The following PGR variants were observed in gnomAD, a reference collection of about 807,000 sequenced individuals.
PGR encodes nuclear receptor subfamily 3 group C member 3.
A neutral mutation model predicts 76.1 loss-of-function variants in PGR; 25 were observed. The observed-to-expected ratio is 0.33, with a 90% CI of 0.24 to 0.46. The LOEUF (loss-of-function observed/expected upper bound fraction) is 0.46. PGR is among the 20% of genes least tolerant of loss of function. The probability of loss-of-function intolerance (pLI) is 1.00; values close to 1 mark genes in which losing one functional copy is unlikely to be tolerated. For missense variants in PGR, 1,172 were observed against 1,225.3 expected (o/e 0.96, Z 0.65); for synonymous variants, 579 against 535.0 (o/e 1.08, Z -1.14).
At position 101,070,204 on chromosome 11, in the gene PGR, C is replaced by T. The variant is rs1860879186; in HGVS notation, c.1907-7452G>A. Among the ~76,000 whole-genome samples the T allele has an allele frequency of 3.9e-5, 6 of 152,074 alleles. No homozygotes were observed. In the South Asian group the frequency reaches 1.2e-3, roughly 31 times the overall value. On this transcript the variant is annotated intron_variant, in intron 3 of 7. Coordinates refer to ENST00000325455, the MANE Select transcript of PGR (RefSeq NM_000926.4). ...TGAAGCAGGGTGGGGCATTGCCTTA[C>T]CCGGGAAGTACAAAGAGTGGGGAAA...
rs529347806 is a variant in PGR at position 101,126,429 on chromosome 11, T to C, written c.1638-271A>G. Among the ~76,000 whole-genome samples, 4 of 152,308 alleles carry C rather than the reference T, an allele frequency of 2.6e-5. No homozygotes were observed. In the East Asian group the frequency reaches 7.7e-4, roughly 29 times the overall value. ...TTATGTCCTAGAAAGTTAAAGTCGG[T>C]TAAAAGGAAATCTTTCTACAAAACT... On this transcript the variant is annotated intron_variant, in intron 1 of 7. Transcript: ENST00000325455.
chr11:101,113,217 C>T (rs930820883), intron 2 of PGR, among the ~76,000 whole-genome samples: 2 of 152,074 alleles, frequency 1.3e-5, no homozygotes, highest in Non-Finnish European at 2.9e-5. Flanking sequence ...CTATCATGAA[C>T]ATTATCTTTA....
intron 3 of PGR, among the ~76,000 whole-genome samples, chr11:101,085,525 T>TAAAAAAAAAAAAAAAAAAAAAAAAAAAA (rs1212568882): frequency 2.4e-5 from 1 of 42,276 alleles, no homozygotes; most frequent in Non-Finnish European, 3.9e-5. Flanking sequence ...CTAGAGGAAC[T>TAAAAAAAAAAAAAAAAAAAAAAAAAAAA]AAAAAAAAAA....
chr11:101,115,361 T>A (rs1248732431), intron 2 of PGR, among the ~76,000 whole-genome samples: 1 of 152,130 alleles, frequency 6.6e-6, no homozygotes, highest in Non-Finnish European at 1.5e-5. Context: ...TATATTATAC[T>A]TGAATATGGG....
chr11:101,089,211 C>G (rs1296304070), intron 3 of PGR, among the ~76,000 whole-genome samples: 1 of 151,978 alleles, frequency 6.6e-6, no homozygotes, highest in African/African-American at 2.4e-5. Flanking sequence ...GCTGCGATAG[C>G]TGGAAAAAAA....
chr11:101,041,847 G>T, intron 7 of PGR, 98 bp downstream of exon 7: 1 of 1,080,716 alleles, frequency 9.3e-7, no homozygotes, highest in Non-Finnish European at 1.4e-6. Context: ...GTATTAATCT[G>T]AGAAAATCAT....
At chr11:101,125,001 G>A (rs1360915261) in intron 2 of PGR, among the ~76,000 whole-genome samples, 1 of 151,934 alleles carries the variant, frequency 6.6e-6, no homozygotes, top group Non-Finnish European at 1.5e-5. Context: ...TGCTTGTAAG[G>A]AGAGGGCTGT....
chr11:101,097,238 C>G (rs1475384130), intron 2 of PGR, among the ~76,000 whole-genome samples: 1 of 152,146 alleles, frequency 6.6e-6, no homozygotes, highest in African/African-American at 2.4e-5. Context: ...TACTAACATC[C>G]TTGGATTACC....
At position 101,092,889 on chromosome 11, in the gene PGR, T is replaced by C. The variant is rs17096271; in HGVS notation, c.1790-1013A>G. On this transcript the variant is annotated intron_variant, in intron 2 of 7. Transcript: ENST00000325455. ...ATAATTTTAAAAGATCATGGGATTT[T>C]CCTGTAGTATTTTACATTAGTTAAG... Among the ~76,000 whole-genome samples the C allele has an allele frequency of 4.6e-3, 699 of 152,300 alleles. 9 individuals carry two copies. The highest frequency in any genetic ancestry group is 0.016 in the African/African-American group (646 of 41,570).
chr11:101,078,396 G>C (rs1369903129), intron 3 of PGR, among the ~76,000 whole-genome samples: 1 of 152,184 alleles, frequency 6.6e-6, no homozygotes, highest in Non-Finnish European at 1.5e-5. Flanking sequence ...TTTTGAAAGA[G>C]CTAATTACCT....
chr11:101,059,432 C>T (rs112271767), intron 4 of PGR, among the ~76,000 whole-genome samples: 37 of 152,118 alleles, frequency 2.4e-4, no homozygotes, highest in African/African-American at 8.4e-4. Flanking sequence ...ATATTGCCCA[C>T]TAAGGCTACA....
chr11:101,062,020 C>T (rs1176510085), intron 4 of PGR, among the ~76,000 whole-genome samples: 1 of 152,150 alleles, frequency 6.6e-6, no homozygotes, highest in African/African-American at 2.4e-5. Context: ...CCTTACTGTA[C>T]TCTGAATACT....
At chr11:101,039,337 A>G (rs763059254) in intron 7 of PGR, 66 bp from the exon 8 acceptor site, 1 of 1,175,562 alleles carries the variant, frequency 8.5e-7, no homozygotes, top group Non-Finnish European at 1.3e-6. Flanking sequence ...CTATTCAAAC[A>G]TGGCAATTTA....
At chr11:101,086,109 T>A (rs187025191) in intron 3 of PGR, among the ~76,000 whole-genome samples, 1 of 152,222 alleles carries the variant, frequency 6.6e-6, no homozygotes, top group East Asian at 1.9e-4. Context: ...GAAGCCAGTA[T>A]CACCCTGATA....
Position 101,128,293 on chromosome 11 carries a change from C to T in PGR, c.778G>A (p.Ala260Thr), listed in dbSNP as rs778694496. 2.6e-5 allele frequency: 41 copies of T among 1,591,910 alleles called. No individual in the cohort carries two copies. The highest frequency in any genetic ancestry group is 3.4e-5 in the Non-Finnish European group (40 of 1,175,388). ...GGGAAAVPPG[A>T]AAGGVALVPK... ...ACCAGGGCGACGCCTCCTGCTGCCG[C>T]CCCCGGCGGGACAGCCGCGGCTCCT... The change falls in exon 1 of 8, where the codon GCG becomes ACG. Residue 260 changes from alanine (A) to threonine (T), a missense_variant. Transcript: ENST00000325455.
intron 3 of PGR, among the ~76,000 whole-genome samples, chr11:101,076,403 C>T (rs987305268): frequency 4.0e-5 from 6 of 151,858 alleles, no homozygotes; most frequent in Non-Finnish European, 7.4e-5. Flanking sequence ...CATCATGGCA[C>T]GTGTATACCT....
intron 3 of PGR, 48 bp downstream of exon 3, chr11:101,091,712 T>G (rs761237511): frequency 1.0e-6 from 1 of 958,670 alleles, no homozygotes; most frequent in African/African-American, 1.6e-5. Flanking sequence ...CACAGTTTTA[T>G]AGTATAAAGA....
chr11:101,061,269 C>T (rs1860488040), intron 4 of PGR, among the ~76,000 whole-genome samples: 1 of 152,202 alleles, frequency 6.6e-6, no homozygotes, highest in South Asian at 2.1e-4. Flanking sequence ...CTGTTTAAGG[C>T]CTTTTGGTGA....
At chr11:101,040,841 A>G (rs1333817750) in intron 7 of PGR, among the ~76,000 whole-genome samples, 5 of 151,686 alleles carry the variant, frequency 3.3e-5, no homozygotes, top group Non-Finnish European at 7.4e-5. Context: ...GATTTTCTCT[A>G]TTTTTTCTTC....
Sources: gnomAD v4.1 joint callset for allele counts (sites outside exome capture counted in the v4.1 genomes callset) on GRCh38, gnomAD v4.1.1 for gene constraint, MANE v1.5 for transcripts, NCBI Gene and HGNC (gene_info 2026-07-23, HGNC 2026-07-21) for gene names.